LRMDA: variants seen among roughly 807,000 people sequenced by gnomAD.
LRMDA encodes leucine rich melanocyte differentiation associated, also known as leucine-rich melanocyte differentiation-associated protein.
LRMDA carries 18 observed loss-of-function variants against 29.8 expected under a neutral mutation model. That is an observed-to-expected ratio of 0.60 (90% CI 0.42 to 0.90). The LOEUF (loss-of-function observed/expected upper bound fraction) is 0.90, where lower values mean the gene tolerates loss of function less well. LRMDA is among the 40% of genes least tolerant of loss of function. The pLI, the probability that LRMDA is intolerant of heterozygous loss-of-function variation, is 0.00. For synonymous variants in LRMDA, 125 were observed against 109.4 expected, an observed-to-expected ratio of 1.14 and a Z score of -0.89; for missense variants, 273 against 273.9, an observed-to-expected ratio of 1.00 and a Z score of 0.02.
intron 2 of LRMDA, among the ~76,000 whole-genome samples, chr10:75,448,248 G>A (rs1430430634): frequency 1.3e-5 from 2 of 152,156 alleles, no homozygotes; most frequent in African/African-American, 4.8e-5. Context: ...TTTGTATAAT[G>A]CTTTTTATTT....
chr10:75,608,359 A>T (rs1426804351), intron 2 of LRMDA, among the ~76,000 whole-genome samples: 1 of 151,896 alleles, frequency 6.6e-6, no homozygotes, highest in East Asian at 1.9e-4. Flanking sequence ...TTGTTGGTCA[A>T]AGGGTACAAA....
intron 2 of LRMDA, among the ~76,000 whole-genome samples, chr10:75,466,980 G>T (rs1844659348): frequency 6.6e-6 from 1 of 151,940 alleles, no homozygotes; most frequent in Admixed American, 6.6e-5. Context: ...GATTTATTCA[G>T]CAGTTACCAA....
intron 4 of LRMDA, among the ~76,000 whole-genome samples, chr10:76,051,524 T>C (rs1390207561): frequency 6.6e-6 from 1 of 152,252 alleles, no homozygotes; most frequent in Non-Finnish European, 1.5e-5. Flanking sequence ...TCACACTGTT[T>C]GTTCATTACT....
intron 1 of LRMDA, among the ~76,000 whole-genome samples, chr10:75,434,140 C>T (rs184988802): frequency 9.2e-5 from 14 of 152,282 alleles, no homozygotes; most frequent in African/African-American, 3.4e-4. Context: ...GTAATACGAT[C>T]GTAGACACAA....
intron 2 of LRMDA, among the ~76,000 whole-genome samples, chr10:76,021,012 AG>A (rs1847966286): frequency 6.6e-6 from 1 of 152,184 alleles, no homozygotes; most frequent in South Asian, 2.1e-4. Context: ...GAAAGGAGGC[AG>A]GATTGGGATT....
At chr10:76,187,422 T>C (rs1279553216) in intron 5 of LRMDA, among the ~76,000 whole-genome samples, 4 of 152,194 alleles carry the variant, frequency 2.6e-5, no homozygotes, top group South Asian at 4.1e-4. Flanking sequence ...ACCATTCTTC[T>C]AGTTCATTAC....
intron 2 of LRMDA, among the ~76,000 whole-genome samples, chr10:75,926,758 T>C (rs1244682256): frequency 6.6e-6 from 1 of 152,208 alleles, no homozygotes; most frequent in Non-Finnish European, 1.5e-5. Flanking sequence ...GGCCTGTAAC[T>C]TTGCTGTAAA....
intron 6 of LRMDA, among the ~76,000 whole-genome samples, chr10:76,471,967 C>T (rs937732526): frequency 6.6e-6 from 1 of 151,666 alleles, no homozygotes; most frequent in Non-Finnish European, 1.5e-5. Context: ...AATAAGCTTT[C>T]AACAATAATA....
chr10:76,077,124 C>A (rs1291830926), intron 5 of LRMDA, among the ~76,000 whole-genome samples: 1 of 152,040 alleles, frequency 6.6e-6, no homozygotes, highest in Non-Finnish European at 1.5e-5. Context: ...GAGTTCCCAT[C>A]CCAAATCATA....
In LRMDA at chr10:75,604,510, G is replaced by C. The variant is rs530077311; in HGVS notation, c.131+166016G>C. Among the ~76,000 whole-genome samples, 4 of 152,288 alleles carry C rather than the reference G, an allele frequency of 2.6e-5. No individual in the cohort carries two copies. In the South Asian group the frequency reaches 8.3e-4, roughly 32 times the overall value. On this transcript the variant is annotated intron_variant, in intron 2 of 6. Transcript: ENST00000611255. ...GCTAAGAGTTCCCGGCAACTGTTCT[G>C]AAGTTTATCCTTGAATGAGTCCTGG...
chr10:76,001,121 C>T (rs989869737), intron 2 of LRMDA, among the ~76,000 whole-genome samples: 1 of 152,194 alleles, frequency 6.6e-6, no homozygotes, highest in African/African-American at 2.4e-5. Flanking sequence ...CTGGAGACCC[C>T]ATCTCCTGCA....
chr10:75,839,617 CT>C (rs939849043), intron 2 of LRMDA, among the ~76,000 whole-genome samples: 4 of 148,250 alleles, frequency 2.7e-5, no homozygotes, highest in Non-Finnish European at 5.9e-5. Flanking sequence ...AGCAGATTAT[CT>C]GGATCTGCAG....
At chr10:76,401,257 AGCCAGTGT>A (rs1324604384) in intron 6 of LRMDA, among the ~76,000 whole-genome samples, 1 of 152,196 alleles carries the variant, frequency 6.6e-6, no homozygotes, top group Admixed American at 6.5e-5. Context: ...ATGAAGAGCA[AGCCAGTGT>A]GCCCACAGGA....
intron 6 of LRMDA, among the ~76,000 whole-genome samples, chr10:76,485,673 A>G (rs1842776209): frequency 6.6e-6 from 1 of 151,686 alleles, no homozygotes; most frequent in Non-Finnish European, 1.5e-5. Flanking sequence ...TTATTTTAAC[A>G]TTTCTCATAG....
At chr10:75,965,392 C>T (rs1338752598) in intron 2 of LRMDA, among the ~76,000 whole-genome samples, 1 of 152,118 alleles carries the variant, frequency 6.6e-6, no homozygotes, top group Non-Finnish European at 1.5e-5. Context: ...GGATTCATAA[C>T]CATTTGAAAT....
At chr10:75,544,691 T>C (rs1840056464) in intron 2 of LRMDA, among the ~76,000 whole-genome samples, 1 of 149,152 alleles carries the variant, frequency 6.7e-6, no homozygotes, top group African/African-American at 2.5e-5. Flanking sequence ...AACTTTCTTG[T>C]TTTTTTTTTC....
chr10:75,987,912 T>C (rs1378860002), intron 2 of LRMDA, among the ~76,000 whole-genome samples: 1 of 152,252 alleles, frequency 6.6e-6, no homozygotes, highest in Non-Finnish European at 1.5e-5. Flanking sequence ...GATTTTGAAC[T>C]ACAGTGCAAT....
chr10:76,251,219 G>A (rs1257158752), intron 5 of LRMDA, among the ~76,000 whole-genome samples: 2 of 135,022 alleles, frequency 1.5e-5, no homozygotes, highest in African/African-American at 2.7e-5. Flanking sequence ...GTTATCTCCC[G>A]TCGCTTCTTT....
chr10:75,771,495 A>C (rs1054779492), intron 2 of LRMDA, among the ~76,000 whole-genome samples: 1 of 152,100 alleles, frequency 6.6e-6, no homozygotes, highest in Non-Finnish European at 1.5e-5. Context: ...AAAGTGTGAA[A>C]AAGCCTGGCG....
Sources: allele counts gnomAD v4.1 joint callset (sites outside exome capture counted in the v4.1 genomes callset), GRCh38; gene constraint gnomAD v4.1.1; transcripts MANE v1.5; gene names NCBI Gene and HGNC (gene_info 2026-07-23, HGNC 2026-07-21).